TOX2: variants seen among roughly 807,000 people sequenced by gnomAD.
The protein encoded by TOX2 is granulosa cell HMG box 1.
In TOX2, 15 loss-of-function variants were observed where a neutral mutation model predicts 47.4. The observed-to-expected ratio is 0.32, with a 90% CI of 0.21 to 0.49. The LOEUF is 0.49. Among genes scored for constraint, TOX2 ranks in the 20% least tolerant of loss-of-function variants. The pLI is 0.99. For synonymous variants in TOX2, 290 were observed against 296.6 expected (o/e 0.98, Z 0.23); for missense variants, 622 against 673.1 (o/e 0.92, Z 0.84).
intron 3 of TOX2, among the ~76,000 whole-genome samples, chr20:44,010,243 T>C (rs2070757199): frequency 6.6e-6 from 1 of 152,218 alleles, no homozygotes; most frequent in South Asian, 2.1e-4. Context: ...ACAAAGCATG[T>C]TATCTTTTTG....
intron 5 of TOX2, among the ~76,000 whole-genome samples, chr20:44,057,254 T>C (rs1467927451): frequency 6.6e-6 from 1 of 152,174 alleles, no homozygotes; most frequent in African/African-American, 2.4e-5. Flanking sequence ...ACTTCTCAGA[T>C]TTCTAATTCT....
chr20:44,056,157 C>T (rs1242052457), intron 5 of TOX2, among the ~76,000 whole-genome samples: 3 of 152,204 alleles, frequency 2.0e-5, no homozygotes, highest in Non-Finnish European at 4.4e-5. Context: ...TGGACACCAG[C>T]ATTCCTTCAG....
chr20:44,016,818 C>T (rs1400313852), intron 3 of TOX2, among the ~76,000 whole-genome samples: 6 of 152,030 alleles, frequency 3.9e-5, no homozygotes, highest in Non-Finnish European at 8.8e-5. Context: ...TGGGCTGGAA[C>T]GAGGGTGAGG....
intron 3 of TOX2, among the ~76,000 whole-genome samples, chr20:44,036,993 C>T (rs911558459): frequency 5.3e-5 from 8 of 152,166 alleles, no homozygotes; most frequent in East Asian, 1.9e-4. Context: ...CTCGCTCTGT[C>T]GCCCAGGCTG....
chr20:44,017,933 G>A (rs1400568227), intron 3 of TOX2, among the ~76,000 whole-genome samples: 2 of 152,320 alleles, frequency 1.3e-5, no homozygotes, highest in East Asian at 1.9e-4. Flanking sequence ...GGCAGTGAGC[G>A]GGACAAGATG....
chr20:43,916,155 G>A lies in TOX2; in HGVS notation c.99+1165G>A, dbSNP rs759259672. Reference sequence around the variant, plus strand: ...ACTCGGAGCCCGGATTGAACAGCGCGCGTGGGTTTCCCGCAGCCCTGGCGC... The same window carrying A: ...ACTCGGAGCCCGGATTGAACAGCGCACGTGGGTTTCCCGCAGCCCTGGCGC... On this transcript the variant is annotated intron_variant, in intron 1 of 8. Coordinates refer to ENST00000341197, the MANE Select transcript of TOX2 (RefSeq NM_001098797.2). The surrounding 1 kb of genome is among the most constrained non-coding windows in gnomAD (Gnocchi z 5.0). The A allele has an allele frequency of 7.1e-6, 7 of 985,412 alleles. No homozygotes were observed. Among genetic ancestry groups the A allele is most frequent in the Non-Finnish European group, 8.4e-6 (7 of 829,972 alleles). The allele number at this position is 985,412 out of a possible 1,614,324, so 61.0% of individuals were successfully genotyped here.
chr20:44,068,744 G>A lies in TOX2; in HGVS notation c.*58G>A. ...GAAGGCACTGCTCAGAGCCTGAAGG[G>A]CTGACAGCAGAAAAGAGGCCCTGGC... On this transcript the variant is annotated 3_prime_UTR_variant, in exon 9 of 9. Transcript: ENST00000341197. 6.2e-7 allele frequency: 1 copy of A among 1,609,752 alleles called. No homozygotes were observed. Among genetic ancestry groups the A allele is most frequent in the Non-Finnish European group, 8.5e-7 (1 of 1,177,296 alleles).
chr20:43,994,603 T>A (rs1427583215), intron 2 of TOX2, among the ~76,000 whole-genome samples: 2 of 152,162 alleles, frequency 1.3e-5, no homozygotes, highest in Non-Finnish European at 2.9e-5. Flanking sequence ...TTTTGCTACT[T>A]AAGTTCTGCT....
At chr20:44,012,055 G>C (rs117847567) in intron 3 of TOX2, among the ~76,000 whole-genome samples, 2 of 152,174 alleles carry the variant, frequency 1.3e-5, no homozygotes. Flanking sequence ...ATATTTTGCC[G>C]GTTTAATTTA....
intron 5 of TOX2, among the ~76,000 whole-genome samples, chr20:44,061,466 C>T (rs1435051896): frequency 6.6e-6 from 1 of 151,866 alleles, no homozygotes; most frequent in African/African-American, 2.4e-5. Flanking sequence ...AAGGGATATA[C>T]TTCAAGGTAA....
chr20:43,978,120 T>TAGGA (rs2070112842), intron 2 of TOX2, among the ~76,000 whole-genome samples: 2 of 152,154 alleles, frequency 1.3e-5, no homozygotes, highest in Non-Finnish European at 2.9e-5. Flanking sequence ...ACCAGAGTCC[T>TAGGA]GCTCATCATT....
At chr20:43,927,930 CAG>C (rs2069199204) in intron 1 of TOX2, among the ~76,000 whole-genome samples, 1 of 151,982 alleles carries the variant, frequency 6.6e-6, no homozygotes. Flanking sequence ...ATTAGAGAGA[CAG>C]AAATAAACAA....
chr20:44,026,484 GA>G (rs1284577275), intron 3 of TOX2, among the ~76,000 whole-genome samples: 2 of 150,894 alleles, frequency 1.3e-5, no homozygotes, highest in Non-Finnish European at 2.9e-5. Context: ...GGAAGAGGGG[GA>G]AAAAGAAGAT....
At chr20:44,014,823 C>T (rs2145629852) in intron 3 of TOX2, among the ~76,000 whole-genome samples, 1 of 152,236 alleles carries the variant, frequency 6.6e-6, no homozygotes, top group Admixed American at 6.5e-5. Context: ...TGCTTACCAA[C>T]TTTGTCGGGG....
At chr20:43,934,578 G>C (rs1257446451) in intron 1 of TOX2, among the ~76,000 whole-genome samples, 2 of 152,010 alleles carry the variant, frequency 1.3e-5, no homozygotes, top group African/African-American at 2.4e-5. Flanking sequence ...CTGCAGACCT[G>C]ACTGGATGGG....
chr20:44,063,769 CACATAT>C lies in TOX2; in HGVS notation c.880-1000_880-995del, dbSNP rs1424056196. Among the ~76,000 whole-genome samples, 9 of 103,960 alleles carry C rather than the reference CACATAT, an allele frequency of 8.7e-5. No homozygotes were observed. The South Asian group carries it at 2.4e-3, about 28-fold the overall frequency. 68.2% of individuals were successfully genotyped at this position (103,960 alleles called of 152,430 possible). ...ACACACATATATATGTACACACACACACATATACATATATATGTACACACACACACA... is the reference window on the plus strand; with the variant it reads ...ACACACATATATATGTACACACACACACATATATATGTACACACACACACA... On this transcript the variant is annotated intron_variant, in intron 5 of 8. Coordinates refer to ENST00000341197, the MANE Select transcript of TOX2 (RefSeq NM_001098797.2).
At chr20:43,974,835 C>T (rs1232765706) in intron 2 of TOX2, among the ~76,000 whole-genome samples, 2 of 152,220 alleles carry the variant, frequency 1.3e-5, no homozygotes, top group East Asian at 1.9e-4. Context: ...CCTCCCCTGC[C>T]GCTGCAGGAT....
At chr20:43,994,236 G>A (rs113127401) in intron 2 of TOX2, among the ~76,000 whole-genome samples, 13 of 152,044 alleles carry the variant, frequency 8.6e-5, no homozygotes, top group Admixed American at 2.6e-4. Context: ...AGGCCAAGGT[G>A]GGTAGATCGC....
At position 43,952,292 on chromosome 20, in the gene TOX2, C is replaced by T. The variant is rs143472813; in HGVS notation, c.100-21075C>T. Reference sequence around the variant, plus strand: ...AGTCTCAGCTATCTTCTCGCCCTGGCCCCCCAAAGCTCTGGAATTACAGGT... The same window carrying T: ...AGTCTCAGCTATCTTCTCGCCCTGGTCCCCCAAAGCTCTGGAATTACAGGT... On this transcript the variant is annotated intron_variant, in intron 1 of 8. Transcript: ENST00000341197. Among the ~76,000 whole-genome samples the T allele has an allele frequency of 5.3e-5, 8 of 152,208 alleles. No homozygotes were observed. The East Asian group carries it at 1.4e-3, about 26-fold the overall frequency.
Sources: gnomAD v4.1 joint callset for allele counts (sites outside exome capture counted in the v4.1 genomes callset) on GRCh38, gnomAD v4.1.1 for gene constraint, Gnocchi (gnomAD v3.1) non-coding constraint, MANE v1.5 for transcripts, NCBI Gene and HGNC (gene_info 2026-07-23, HGNC 2026-07-21) for gene names.